Variants in LEPR observed in about 807,000 individuals in gnomAD.
The protein encoded by LEPR is OB receptor.
A neutral mutation model predicts 114.7 loss-of-function variants in LEPR; 56 were observed. The observed-to-expected ratio is 0.49, with a 90% confidence interval of 0.39 to 0.61. LEPR has a LOEUF of 0.61. Among genes scored for constraint, LEPR ranks in the 20% least tolerant of loss-of-function variants. The pLI is 0.00. For synonymous variants in LEPR, 443 were observed against 461.4 expected (o/e 0.96, Z 0.51); for missense variants, 1,202 against 1,352.9 (o/e 0.89, Z 1.75).
At chr1:65,444,733 A>AT (rs1211726934) in intron 2 of LEPR, among the ~76,000 whole-genome samples, 1 of 152,220 alleles carries the variant, frequency 6.6e-6, no homozygotes, top group Non-Finnish European at 1.5e-5. Context: ...CTGAGTTAAA[A>AT]ATTATTAAAT....
At chr1:65,558,279 T>C (rs1186863426) in intron 2 of LEPR, among the ~76,000 whole-genome samples, 1 of 152,156 alleles carries the variant, frequency 6.6e-6, no homozygotes, top group Non-Finnish European at 1.5e-5. Flanking sequence ...AAAGAACCAT[T>C]GTGATATCAG....
chr1:65,604,610 C>G (rs995481026), intron 10 of LEPR, among the ~76,000 whole-genome samples: 16 of 152,216 alleles, frequency 1.1e-4, no homozygotes, highest in African/African-American at 3.9e-4. Context: ...AGCCACCGCA[C>G]CGGGCCTTCT....
chr1:65,435,755 TAGTA>T, intron 2 of LEPR: 1 of 983,674 alleles, frequency 1.0e-6, no homozygotes, highest in Non-Finnish European at 1.2e-6. Context: ...TTTCCAAGCA[TAGTA>T]ATTAGTTCAC....
At chr1:65,451,868 C>T (rs982416106) in intron 2 of LEPR, among the ~76,000 whole-genome samples, 113 of 151,934 alleles carry the variant, frequency 7.4e-4, no homozygotes, top group African/African-American at 2.5e-3. Flanking sequence ...TTACCTTGGG[C>T]GGTATGGCCA....
intron 19 of LEPR, among the ~76,000 whole-genome samples, chr1:65,628,750 A>G (rs1658359548): frequency 1.3e-5 from 2 of 152,156 alleles, no homozygotes; most frequent in Admixed American, 1.3e-4. Context: ...AAAGTGCTGC[A>G]GGAAGTATGG....
chr1:65,434,892 AAGC>A, intron 2 of LEPR: 1 of 985,484 alleles, frequency 1.0e-6, no homozygotes, highest in Non-Finnish European at 1.2e-6. Flanking sequence ...GCTGAGAAGA[AAGC>A]AGATCACACT....
At chr1:65,526,805 T>G (rs982543629) in intron 2 of LEPR, among the ~76,000 whole-genome samples, 1 of 152,142 alleles carries the variant, frequency 6.6e-6, no homozygotes, top group Non-Finnish European at 1.5e-5. Flanking sequence ...TGCCCCAGAA[T>G]AAAAAAGTAT....
Position 65,551,366 on chromosome 1 carries a change from G to A in LEPR, c.-20-14180G>A, listed in dbSNP as rs1025217999. On this transcript the variant is annotated intron_variant, in intron 2 of 19. Coordinates refer to ENST00000349533, the MANE Select transcript of LEPR (RefSeq NM_002303.6). ...GTCCTGGGCCTTTTTTGGTTGGTAG[G>A]CTATTAATTACTGGCTCAATTTCAG... Among the ~76,000 whole-genome samples, 11 of 152,178 alleles carry A rather than the reference G, an allele frequency of 7.2e-5. No homozygotes were observed. In the East Asian group the frequency reaches 1.9e-3, roughly 27 times the overall value.
chr1:65,500,888 C>G (rs1037031343), intron 2 of LEPR, among the ~76,000 whole-genome samples: 1 of 152,062 alleles, frequency 6.6e-6, no homozygotes, highest in Non-Finnish European at 1.5e-5. Flanking sequence ...GTCATGCCCT[C>G]TATGAAGTCT....
chr1:65,597,562 A>C (rs370606906), intron 7 of LEPR, among the ~76,000 whole-genome samples: 4 of 152,186 alleles, frequency 2.6e-5, no homozygotes, highest in African/African-American at 9.6e-5. Flanking sequence ...GTTGGGTTCT[A>C]AACAGGGAGA....
At chr1:65,507,494 TG>T (rs1648804728) in intron 2 of LEPR, among the ~76,000 whole-genome samples, 1 of 140,624 alleles carries the variant, frequency 7.1e-6, no homozygotes, top group Admixed American at 7.1e-5. Flanking sequence ...TGTATATATG[TG>T]TGTGTATATA....
At chr1:65,634,148 C>T (rs12034502) in intron 19 of LEPR, 380,481 of 984,194 alleles carry the variant, frequency 0.39, 75,201 homozygotes, top group East Asian at 0.87. Context: ...AATTATGCTG[C>T]GTTGCTCACA....
chr1:65,572,186 C>G (rs1272047540), intron 4 of LEPR, 140 bp from the exon 5 acceptor site: 1 of 1,159,848 alleles, frequency 8.6e-7, no homozygotes, highest in Non-Finnish European at 1.2e-6. Context: ...TGTTCTTTTT[C>G]TCTCAGAATA....
intron 11 of LEPR, among the ~76,000 whole-genome samples, chr1:65,607,382 C>G (rs1488678954): frequency 6.6e-6 from 1 of 152,298 alleles, no homozygotes; most frequent in East Asian, 1.9e-4. Flanking sequence ...GCTGCAATCC[C>G]AGAGGCCTCT....
chr1:65,567,256 A>G (rs1252409497), intron 3 of LEPR, among the ~76,000 whole-genome samples: 2 of 152,224 alleles, frequency 1.3e-5, no homozygotes, highest in African/African-American at 4.8e-5. Flanking sequence ...TTTAAAGTTC[A>G]TCATTACATT....
intron 2 of LEPR, among the ~76,000 whole-genome samples, chr1:65,452,170 G>A (rs1418844600): frequency 2.6e-5 from 4 of 152,216 alleles, no homozygotes; most frequent in Non-Finnish European, 4.4e-5. Flanking sequence ...AATTTAAGGA[G>A]ATTTTGGGCT....
intron 19 of LEPR, chr1:65,635,333 T>G (rs979529227): frequency 1.0e-6 from 1 of 983,862 alleles, no homozygotes; most frequent in African/African-American, 1.7e-5. Context: ...TTACATTGTA[T>G]GAATTGAGCT....
chr1:65,546,570 A>G (rs1192026210), intron 2 of LEPR, among the ~76,000 whole-genome samples: 2 of 152,094 alleles, frequency 1.3e-5, no homozygotes, highest in Non-Finnish European at 1.5e-5. Context: ...CTTTGAAGCA[A>G]TTTTGAATGG....
chr1:65,542,388 C>T lies in LEPR; in HGVS notation c.-20-23158C>T, dbSNP rs946860530. On this transcript the variant is annotated intron_variant, in intron 2 of 19. Coordinates refer to ENST00000349533, the MANE Select transcript of LEPR (RefSeq NM_002303.6). ...TTCAACAACTATTTATGAGTACTTACGATGTTCCAGAGAATATATTAAAAT... is the reference window on the plus strand; with the variant it reads ...TTCAACAACTATTTATGAGTACTTATGATGTTCCAGAGAATATATTAAAAT... 3.3e-5 allele frequency among the ~76,000 whole-genome samples: 5 copies of T among 151,174 alleles called. No individual in the cohort carries two copies. In the South Asian group the frequency reaches 6.3e-4, roughly 19 times the overall value.
Sources: gnomAD v4.1 joint callset for allele counts (sites outside exome capture counted in the v4.1 genomes callset) on GRCh38, gnomAD v4.1.1 for gene constraint, MANE v1.5 for transcripts, NCBI Gene and HGNC (gene_info 2026-07-23, HGNC 2026-07-21) for gene names.